CSMD1: variants seen among roughly 807,000 people sequenced by gnomAD.
The protein encoded by CSMD1 is CUB and Sushi multiple domains 1, also known as CUB and sushi domain-containing protein 1.
Under a neutral mutation model 417.5 loss-of-function variants are expected in CSMD1, and 213 were observed. The observed-to-expected ratio is 0.51, with a 90% confidence interval of 0.46 to 0.57. The LOEUF (loss-of-function observed/expected upper bound fraction) is 0.57. Among genes scored for constraint, CSMD1 ranks in the 20% least tolerant of loss-of-function variants. The pLI is 0.00. For synonymous variants in CSMD1, 2,862 were observed against 1,736.8 expected (o/e 1.65, Z -16.11); for missense variants, 6,923 against 4,529.7 (o/e 1.53, Z -15.17).
chr8:3,647,340 T>C (rs1004689121), intron 7 of CSMD1, among the ~76,000 whole-genome samples: 1 of 151,848 alleles, frequency 6.6e-6, no homozygotes, highest in African/African-American at 2.4e-5. Flanking sequence ...GAGGTAAATA[T>C]GGCAGAGAGA....
chr8:4,261,485 T>C (rs1041306980), intron 3 of CSMD1, among the ~76,000 whole-genome samples: 4 of 152,362 alleles, frequency 2.6e-5, no homozygotes, highest in African/African-American at 9.6e-5. Context: ...GGATCTAATG[T>C]ACAGCATGGT....
intron 1 of CSMD1, among the ~76,000 whole-genome samples, chr8:4,929,611 T>A (rs117013258): frequency 0.052 from 7,945 of 152,258 alleles, 237 homozygotes; most frequent in African/African-American, 0.071. Context: ...ACAAATGATT[T>A]CATCATTTGT....
chr8:3,442,765 T>G (rs750423528), intron 12 of CSMD1, among the ~76,000 whole-genome samples: 47 of 152,318 alleles, frequency 3.1e-4, no homozygotes, highest in Middle Eastern at 3.4e-3. Context: ...ACATATATAT[T>G]TGAATTCTAT....
intron 3 of CSMD1, among the ~76,000 whole-genome samples, chr8:4,291,730 A>T (rs1563399782): frequency 6.6e-6 from 1 of 152,242 alleles, no homozygotes; most frequent in Non-Finnish European, 1.5e-5. Context: ...AATCAGTTAT[A>T]TGCGGAGACA....
chr8:3,399,279 T>C (rs1811889694), intron 16 of CSMD1, 112 bp downstream of exon 16: 1 of 953,382 alleles, frequency 1.0e-6, no homozygotes, highest in Non-Finnish European at 1.6e-6. Context: ...AGTGTGCTCC[T>C]ATGCGGGAAC....
chr8:4,055,833 T>C (rs1009444803), intron 3 of CSMD1, among the ~76,000 whole-genome samples: 1 of 152,136 alleles, frequency 6.6e-6, no homozygotes, highest in Non-Finnish European at 1.5e-5. Context: ...GATTTTACAG[T>C]TGATTTTCTT....
At chr8:4,876,017 G>C (rs182505446) in intron 1 of CSMD1, among the ~76,000 whole-genome samples, 1 of 152,012 alleles carries the variant, frequency 6.6e-6, no homozygotes, top group African/African-American at 2.4e-5. Flanking sequence ...TAAAAAGTTA[G>C]AATTTTAGTA....
chr8:4,019,375 G>A (rs921952748), intron 4 of CSMD1, among the ~76,000 whole-genome samples: 6 of 152,042 alleles, frequency 3.9e-5, no homozygotes, highest in Non-Finnish European at 7.3e-5. Context: ...ATACATCTCC[G>A]TGAAGCTGCA....
intron 5 of CSMD1, among the ~76,000 whole-genome samples, chr8:3,787,295 T>G (rs143421972): frequency 6.6e-6 from 1 of 152,056 alleles, no homozygotes; most frequent in African/African-American, 2.4e-5. Flanking sequence ...TTTTAGAAAA[T>G]TGATTTCATG....
chr8:4,003,687 A>G (rs1393838781), intron 4 of CSMD1, among the ~76,000 whole-genome samples: 1 of 152,210 alleles, frequency 6.6e-6, no homozygotes, highest in Non-Finnish European at 1.5e-5. Flanking sequence ...TATGTTCCTA[A>G]TATCAACATG....
rs556934495 is a variant in CSMD1, at chr8:4,578,373, G to A, written c.302+58969C>T. On this transcript the variant is annotated intron_variant, in intron 2 of 69. Transcript: ENST00000635120. ...TTTTTTTTTTTTTAGGACAGACGGG[G>A]TTTCACCGTGTTAGCCAGGATGTTC... Among the ~76,000 whole-genome samples the A allele has an allele frequency of 5.9e-5, 7 of 119,076 alleles. No homozygotes were observed. In the East Asian group the frequency reaches 1.3e-3, roughly 22 times the overall value. The allele number at this position is 119,076 out of a possible 152,430, so 78.1% of individuals were successfully genotyped here.
chr8:3,998,233 C>G, intron 4 of CSMD1, 123 bp from the exon 5 acceptor site: 1 of 747,464 alleles, frequency 1.3e-6, no homozygotes, highest in Non-Finnish European at 2.1e-6. Flanking sequence ...TTGAGACACT[C>G]AATCTGAAAA....
rs117936304 is a variant in CSMD1 at position 3,950,716 on chromosome 8, C to T, written c.818+47187G>A. Among the ~76,000 whole-genome samples, 446 of 150,084 alleles carry T rather than the reference C, an allele frequency of 3.0e-3. 14 individuals are homozygous for T. The East Asian group carries it at 0.067, about 23-fold the overall frequency. ...TATGGAGCACAGGATAAAACTTCTTCCTCAAAATGTAATTGGGGTTTTCAA... is the reference window on the plus strand; with the variant it reads ...TATGGAGCACAGGATAAAACTTCTTTCTCAAAATGTAATTGGGGTTTTCAA... On this transcript the variant is annotated intron_variant, in intron 5 of 69. Transcript: ENST00000635120.
At chr8:4,940,981 T>G (rs2117235536) in intron 1 of CSMD1, among the ~76,000 whole-genome samples, 1 of 152,332 alleles carries the variant, frequency 6.6e-6, no homozygotes, top group East Asian at 1.9e-4. Flanking sequence ...ATGTATTTTT[T>G]CTTAAAGTTC....
At chr8:3,788,870 C>T (rs539009006) in intron 5 of CSMD1, among the ~76,000 whole-genome samples, 121 of 152,292 alleles carry the variant, frequency 7.9e-4, no homozygotes, top group Admixed American at 1.1e-3. Flanking sequence ...TGATCTCGCC[C>T]ATTTTATACC....
At position 3,308,620 on chromosome 8, in the gene CSMD1, G is replaced by C. The variant is rs1419114593; in HGVS notation, c.3632-117C>G. On this transcript the variant is annotated intron_variant, in intron 23 of 69. Transcript: ENST00000635120. ...CTTGAAGGGTAGGGAGAAAAAAGGA[G>C]ATTGTGAATTTACAAAGGGGAAAAG... is the stretch of plus-strand genomic sequence containing the variant. The C allele has an allele frequency of 5.5e-6, 4 of 721,118 alleles. No individual in the cohort carries two copies. In the Admixed American group the frequency reaches 8.1e-5, roughly 15 times the overall value. 44.7% of individuals were successfully genotyped at this position (721,118 alleles called of 1,614,324 possible). A position where few individuals can be genotyped will look rare whatever the true frequency, so the allele number is the denominator to read the frequency against.
At chr8:3,537,177 GT>G (rs1798238678) in intron 10 of CSMD1, among the ~76,000 whole-genome samples, 1 of 151,952 alleles carries the variant, frequency 6.6e-6, no homozygotes, top group Non-Finnish European at 1.5e-5. Flanking sequence ...CTAATTTGTT[GT>G]ATTTTAAGAG....
chr8:4,637,436 T>A lies in CSMD1; in HGVS notation c.208A>T (p.Ile70Leu), dbSNP rs767329658. 6.2e-7 allele frequency: 1 copy of A among 1,613,806 alleles called. No homozygotes were observed. Among genetic ancestry groups the A allele is most frequent in the South Asian group, 1.1e-5 (1 of 91,080 alleles). ...WIIITGERNR[I>L]QLSFHTFALE... is the part of the protein sequence containing the mutation. ...GCAAAGGTATGGAAGGACAACTGTA[T>A]CCTATTGCGCTCGCCCGTGATGATG... is the stretch of plus-strand genomic sequence containing the variant. Residue 70 changes from isoleucine to leucine, a missense_variant, in exon 2 of 70, where the codon ATA becomes TTA. Ile to Leu is a conservative substitution (Grantham distance 5). Transcript: ENST00000635120.
In CSMD1 at chr8:3,758,384, T is replaced by C. The variant is rs553615544; in HGVS notation, c.819-4342A>G. 9.2e-5 allele frequency among the ~76,000 whole-genome samples: 14 copies of C among 152,332 alleles called. No homozygotes were observed. In the East Asian group the frequency reaches 2.3e-3, roughly 25 times the overall value. ...CCCGAAGTCGATTTTTGTACATGAA[T>C]TTCCTGATTTGACCTTTTGCGTTAA... On this transcript the variant is annotated intron_variant, in intron 5 of 69. Coordinates refer to ENST00000635120, the MANE Select transcript of CSMD1 (RefSeq NM_033225.6).
Sources: gnomAD v4.1 joint callset for allele counts (sites outside exome capture counted in the v4.1 genomes callset) on GRCh38, gnomAD v4.1.1 for gene constraint, MANE v1.5 for transcripts, NCBI Gene and HGNC (gene_info 2026-07-23, HGNC 2026-07-21) for gene names.